The following PAPPA2 variants were observed in gnomAD, a reference collection of about 807,000 sequenced individuals.
PAPPA2 encodes the protein pappalysin 2.
Under a neutral mutation model 176.4 loss-of-function variants are expected in PAPPA2, and 86 were observed. That is an observed-to-expected ratio of 0.49 (90% confidence interval 0.41 to 0.58). The LOEUF (loss-of-function observed/expected upper bound fraction) is 0.58. PAPPA2 is among the 20% of genes least tolerant of loss of function. The probability of loss-of-function intolerance (pLI) is 0.00; values close to 1 mark genes in which losing one functional copy is unlikely to be tolerated. For missense variants in PAPPA2, 2,073 were observed against 2,256.9 expected (o/e 0.92, Z 1.65); for synonymous variants, 809 against 852.2 (o/e 0.95, Z 0.88).
chr1:176,754,431 A>G (rs1663324099), intron 14 of PAPPA2, among the ~76,000 whole-genome samples: 1 of 152,250 alleles, frequency 6.6e-6, no homozygotes, highest in Admixed American at 6.5e-5. Context: ...ACTAGAAGTA[A>G]AAGTGTTTTA....
chr1:176,616,399 G>A (rs547854270), intron 3 of PAPPA2: 1 of 608,702 alleles, frequency 1.6e-6, no homozygotes, highest in East Asian at 3.7e-5. Context: ...CCTATGAATT[G>A]TACTGCATCT....
chr1:176,534,933 T>C (rs1401920557), intron 1 of PAPPA2, among the ~76,000 whole-genome samples: 1 of 152,116 alleles, frequency 6.6e-6, no homozygotes, highest in Non-Finnish European at 1.5e-5. Context: ...CCTTTGCAAA[T>C]TGCTGAATGT....
At chr1:176,721,497 T>TAA (rs1395741197) in intron 12 of PAPPA2, among the ~76,000 whole-genome samples, 1 of 152,212 alleles carries the variant, frequency 6.6e-6, no homozygotes, top group East Asian at 1.9e-4. Context: ...TTTGTGTGGC[T>TAA]AAAATATTTT....
chr1:176,514,746 T>A (rs190095926), intron 1 of PAPPA2, among the ~76,000 whole-genome samples: 107 of 152,302 alleles, frequency 7.0e-4, no homozygotes, highest in African/African-American at 2.3e-3. Flanking sequence ...TGACTTTGAA[T>A]CAAATTTTAG....
intron 2 of PAPPA2, among the ~76,000 whole-genome samples, chr1:176,576,457 G>A (rs915835128): frequency 6.8e-6 from 1 of 146,388 alleles, no homozygotes; most frequent in Non-Finnish European, 1.5e-5. Flanking sequence ...ATGGTCACTA[G>A]GGAAACACGT....
chr1:176,658,408 A>C (rs1265750381), intron 3 of PAPPA2, among the ~76,000 whole-genome samples: 3 of 152,080 alleles, frequency 2.0e-5, no homozygotes, highest in African/African-American at 7.2e-5. Flanking sequence ...ATTGAAACTC[A>C]TATAAATATA....
chr1:176,756,911 T>C (rs1663453140), intron 14 of PAPPA2, among the ~76,000 whole-genome samples: 1 of 152,184 alleles, frequency 6.6e-6, no homozygotes, highest in Admixed American at 6.5e-5. Flanking sequence ...TCTGTGTCCA[T>C]GTGTTCTCAT....
At chr1:176,712,593 A>G (rs1434785353) in intron 12 of PAPPA2, among the ~76,000 whole-genome samples, 1 of 152,216 alleles carries the variant, frequency 6.6e-6, no homozygotes, top group Non-Finnish European at 1.5e-5. Context: ...TCTAATATTG[A>G]TGAATATTTG....
In PAPPA2 at chr1:176,615,434, C is replaced by A. The variant is rs369712678; in HGVS notation, c.1991+19839C>A. Among the ~76,000 whole-genome samples the A allele has an allele frequency of 1.1e-4, 17 of 152,322 alleles. No individual in the cohort carries two copies. The East Asian group carries it at 2.3e-3, about 21-fold the overall frequency. On this transcript the variant is annotated intron_variant, in intron 3 of 22. Coordinates refer to ENST00000367662, the MANE Select transcript of PAPPA2 (RefSeq NM_020318.3). The stretch of plus-strand genomic sequence containing the variant: ...CATGCCATTCTCCTGCCTCAGCCTC[C>A]CGAGTAGCTGGGACTACAGGTGCCT...
At chr1:176,625,658 A>C (rs929427596) in intron 3 of PAPPA2, among the ~76,000 whole-genome samples, 1 of 152,212 alleles carries the variant, frequency 6.6e-6, no homozygotes. Flanking sequence ...AGTATAGTAC[A>C]TCAAATTTAT....
chr1:176,712,029 ATGTGTGTGTG>A lies in PAPPA2; in HGVS notation c.3798+68_3798+77del, dbSNP rs66731142. 1.3e-5 allele frequency: 18 copies of A among 1,426,042 alleles called. No individual in the cohort carries two copies. The Admixed American group carries it at 1.5e-4, about 12-fold the overall frequency. The allele number at this position is 1,426,042 out of a possible 1,614,324, so 88.3% of individuals were successfully genotyped here. A position where few individuals can be genotyped will look rare whatever the true frequency, so the allele number is the denominator to read the frequency against. On this transcript the variant is annotated intron_variant, in intron 12 of 22. Coordinates refer to ENST00000367662, the MANE Select transcript of PAPPA2 (RefSeq NM_020318.3). ...TTGTGCATGTGAAAGGTGTAAGCAT[ATGTGTGTGTG>A]TGTGTGTGTGTGTGTGTGTAAATGG...
intron 2 of PAPPA2, among the ~76,000 whole-genome samples, chr1:176,586,628 C>A (rs538961778): frequency 7.9e-5 from 12 of 152,142 alleles, no homozygotes; most frequent in Non-Finnish European, 1.8e-4. Flanking sequence ...GATCTCTTTC[C>A]TTTTTATGGC....
intron 2 of PAPPA2, among the ~76,000 whole-genome samples, chr1:176,583,532 T>A (rs1328415401): frequency 6.6e-6 from 1 of 152,196 alleles, no homozygotes; most frequent in Non-Finnish European, 1.5e-5. Context: ...TCAAAAATGT[T>A]CCTATTATTG....
chr1:176,681,168 C>G (rs1281047727), intron 4 of PAPPA2, among the ~76,000 whole-genome samples: 1 of 152,092 alleles, frequency 6.6e-6, no homozygotes, highest in African/African-American at 2.4e-5. Flanking sequence ...ACAGCTACTG[C>G]AGAGAGATGA....
At chr1:176,490,954 G>A (rs1022758198) in intron 1 of PAPPA2, among the ~76,000 whole-genome samples, 4 of 152,204 alleles carry the variant, frequency 2.6e-5, no homozygotes, top group Non-Finnish European at 5.9e-5. Flanking sequence ...TGGTGACTAT[G>A]TGGTGATTTT....
At chr1:176,706,012 T>G (rs1300675526) in intron 9 of PAPPA2, among the ~76,000 whole-genome samples, 1 of 152,152 alleles carries the variant, frequency 6.6e-6, no homozygotes, top group Non-Finnish European at 1.5e-5. Flanking sequence ...AAGCCTTTAT[T>G]CATTATAGGG....
At chr1:176,758,149 G>T (rs987282981) in intron 14 of PAPPA2, among the ~76,000 whole-genome samples, 4 of 152,186 alleles carry the variant, frequency 2.6e-5, no homozygotes, top group Non-Finnish European at 4.4e-5. Flanking sequence ...CCGAATTACT[G>T]CTGAGATTCT....
intron 1 of PAPPA2, among the ~76,000 whole-genome samples, chr1:176,518,001 C>A (rs1649009035): frequency 6.6e-6 from 1 of 152,180 alleles, no homozygotes; most frequent in African/African-American, 2.4e-5. Context: ...GATTACTAGA[C>A]TCAAAGGGCT....
intron 4 of PAPPA2, among the ~76,000 whole-genome samples, chr1:176,673,031 G>A (rs1487145007): frequency 1.3e-5 from 2 of 152,088 alleles, no homozygotes; most frequent in African/African-American, 2.4e-5. Context: ...CAATTACTAC[G>A]AGTGAAAAAC....
Sources: gnomAD v4.1 joint callset for allele counts (sites outside exome capture counted in the v4.1 genomes callset) on GRCh38, gnomAD v4.1.1 for gene constraint, MANE v1.5 for transcripts, NCBI Gene and HGNC (gene_info 2026-07-23, HGNC 2026-07-21) for gene names.